The following KLF12 variants were observed in gnomAD, a reference collection of about 807,000 sequenced individuals.
KLF12 encodes the protein KLF transcription factor 12, also known as Krueppel-like factor 12.
A neutral mutation model predicts 37.8 loss-of-function variants in KLF12; 9 were observed. The ratio of observed to expected loss-of-function variants is 0.24; its 90% CI spans 0.14 to 0.42. The LOEUF is 0.42. Among genes scored for constraint, KLF12 ranks in the 10% least tolerant of loss-of-function variants. The pLI, the probability that KLF12 is intolerant of heterozygous loss-of-function variation, is 1.00. For missense variants in KLF12, 411 were observed against 516.0 expected (o/e 0.80, Z 1.97); for synonymous variants, 208 against 202.1 (o/e 1.03, Z -0.25).
At chr13:73,830,203 C>T (rs979642687) in intron 4 of KLF12, among the ~76,000 whole-genome samples, 2 of 152,182 alleles carry the variant, frequency 1.3e-5, no homozygotes, top group Non-Finnish European at 2.9e-5. Flanking sequence ...CCAGTGAGCA[C>T]TCATTTGTTA....
chr13:73,712,012 T>C (rs1033516185), intron 7 of KLF12, among the ~76,000 whole-genome samples: 3 of 152,158 alleles, frequency 2.0e-5, no homozygotes, highest in African/African-American at 4.8e-5. Context: ...GAGAAAGGAA[T>C]TGCAGATGTG....
At chr13:73,908,891 T>C (rs1182514223) in intron 3 of KLF12, among the ~76,000 whole-genome samples, 1 of 152,100 alleles carries the variant, frequency 6.6e-6, no homozygotes, top group Non-Finnish European at 1.5e-5. Context: ...TTATCCCTAC[T>C]CCCTAAAACA....
At chr13:73,839,101 T>C (rs578111564) in intron 4 of KLF12, among the ~76,000 whole-genome samples, 3 of 151,902 alleles carry the variant, frequency 2.0e-5, no homozygotes, top group African/African-American at 7.2e-5. Flanking sequence ...AACTTTTTTT[T>C]TTTTTTTTTA....
At chr13:73,805,682 AAG>A (rs1882564880) in intron 5 of KLF12, among the ~76,000 whole-genome samples, 1 of 132,406 alleles carries the variant, frequency 7.6e-6, no homozygotes, top group African/African-American at 3.4e-5. Flanking sequence ...GGAAGGAAGG[AAG>A]GAAGGAAGGA....
chr13:73,801,774 C>T (rs73531666), intron 5 of KLF12: 1 of 143,544 alleles, frequency 7.0e-6, no homozygotes, highest in Non-Finnish European at 1.6e-5. Flanking sequence ...ATTACTAACA[C>T]TAAAAAAATT....
chr13:73,832,153 G>A (rs1884194668), intron 4 of KLF12, among the ~76,000 whole-genome samples: 1 of 152,156 alleles, frequency 6.6e-6, no homozygotes. Context: ...GTCTGTGTGG[G>A]AGGTGACCTC....
intron 3 of KLF12, among the ~76,000 whole-genome samples, chr13:73,856,407 G>T (rs573299639): frequency 6.6e-6 from 1 of 152,310 alleles, no homozygotes; most frequent in South Asian, 2.1e-4. Context: ...TACAAGATAG[G>T]AAGGTACGCG....
At chr13:74,144,156 T>C in the KLF12 span, among the ~76,000 whole-genome samples, 1 of 152,174 alleles carries the variant, frequency 6.6e-6, no homozygotes, top group Non-Finnish European at 1.5e-5. Context: ...CAACAAATAT[T>C]TGTAAATGAG....
At chr13:73,819,724 T>G (rs1300675620) in intron 4 of KLF12, among the ~76,000 whole-genome samples, 1 of 152,200 alleles carries the variant, frequency 6.6e-6, no homozygotes, top group African/African-American at 2.4e-5. Context: ...CAGATGGGGT[T>G]GCATAGTGGC....
intron 1 of KLF12, among the ~76,000 whole-genome samples, chr13:74,028,365 AAAG>A (rs1218586438): frequency 6.6e-6 from 1 of 152,192 alleles, no homozygotes; most frequent in Non-Finnish European, 1.5e-5. Flanking sequence ...AAAATGGAAA[AAAG>A]AGCTTATTTT....
At chr13:74,005,224 C>A (rs1003175603) in intron 1 of KLF12, among the ~76,000 whole-genome samples, 1 of 151,952 alleles carries the variant, frequency 6.6e-6, no homozygotes, top group Non-Finnish European at 1.5e-5. Flanking sequence ...TAATAAAGAG[C>A]CTACATCTCA....
chr13:73,858,639 T>C (rs1354574426), intron 3 of KLF12, among the ~76,000 whole-genome samples: 2 of 152,330 alleles, frequency 1.3e-5, no homozygotes, highest in African/African-American at 4.8e-5. Context: ...CAACACAACA[T>C]TGTGATAAAT....
At chr13:74,269,988 G>T in the KLF12 span, among the ~76,000 whole-genome samples, 1 of 152,166 alleles carries the variant, frequency 6.6e-6, no homozygotes, top group Non-Finnish European at 1.5e-5. Flanking sequence ...GTCTGTGGAG[G>T]TGGCAGTTAT....
intron 4 of KLF12, chr13:73,845,173 T>C (rs1340352330): frequency 6.6e-6 from 1 of 152,210 alleles, no homozygotes; most frequent in Non-Finnish European, 1.5e-5. Flanking sequence ...AAAGGGAATA[T>C]TAATATTGCA....
At chr13:73,874,583 C>A (rs1258054883) in intron 3 of KLF12, among the ~76,000 whole-genome samples, 1 of 152,114 alleles carries the variant, frequency 6.6e-6, no homozygotes, top group Non-Finnish European at 1.5e-5. Flanking sequence ...CTTCTGTTTT[C>A]TTCAGCAAAG....
At chr13:74,248,132 A>T in the KLF12 span, among the ~76,000 whole-genome samples, 3 of 152,128 alleles carry the variant, frequency 2.0e-5, no homozygotes, top group Admixed American at 2.0e-4. Context: ...AATATTGGGG[A>T]CTTTGCAACA....
the KLF12 span, among the ~76,000 whole-genome samples, chr13:74,273,675 T>C: frequency 1.7e-4 from 26 of 152,248 alleles, no homozygotes; most frequent in Non-Finnish European, 1.8e-4. Context: ...TTGTTTCTAC[T>C]GTAACTGAGA....
intron 4 of KLF12, among the ~76,000 whole-genome samples, chr13:73,839,322 C>T (rs866177877): frequency 2.0e-5 from 3 of 149,744 alleles, no homozygotes; most frequent in Non-Finnish European, 4.4e-5. Context: ...AGGCTCATCT[C>T]GAGCTCCTGA....
At chr13:74,224,376 A>T in the KLF12 span, among the ~76,000 whole-genome samples, 2 of 152,136 alleles carry the variant, frequency 1.3e-5, no homozygotes, top group Non-Finnish European at 1.5e-5. Context: ...GGCTGGTGAT[A>T]TCTATGACAT....
Sources: allele counts gnomAD v4.1 joint callset (sites outside exome capture counted in the v4.1 genomes callset), GRCh38; gene constraint gnomAD v4.1.1; transcripts MANE v1.5; gene names NCBI Gene and HGNC (gene_info 2026-07-23, HGNC 2026-07-21).